ERICH2: variants seen among roughly 807,000 people sequenced by gnomAD.
The protein encoded by ERICH2 is glutamate-rich protein 2.
A neutral mutation model predicts 17.4 loss-of-function variants in ERICH2; 17 were observed. The observed-to-expected ratio is 0.98, with a 90% confidence interval of 0.67 to 1.47. The LOEUF is 1.47. Among genes scored for constraint, ERICH2 ranks in the 40% most tolerant of loss-of-function variants. The pLI is 0.00. For synonymous variants in ERICH2, 51 were observed against 61.1 expected (o/e 0.83, Z 0.77); for missense variants, 186 against 183.2 (o/e 1.01, Z -0.09).
At chr2:170,794,841 T>C (rs1199342352) in intron 3 of ERICH2, among the ~76,000 whole-genome samples, 1 of 152,246 alleles carries the variant, frequency 6.6e-6, no homozygotes, top group Non-Finnish European at 1.5e-5. Context: ...TTCTAGATCA[T>C]TGGCTCATTT....
upstream of ERICH2, among the ~76,000 whole-genome samples, chr2:170,781,400 C>T (rs2105685371): frequency 6.6e-6 from 1 of 152,090 alleles, no homozygotes; most frequent in East Asian, 1.9e-4. Context: ...CTTTGGAAGG[C>T]CGAGGTGGGT....
chr2:170,775,016 C>T, the ERICH2 span, among the ~76,000 whole-genome samples: 2 of 152,102 alleles, frequency 1.3e-5, no homozygotes, highest in African/African-American at 4.8e-5. Flanking sequence ...GGGATCTGTC[C>T]ATCCTACGTT....
chr2:170,792,568 G>A (rs1448185490), intron 2 of ERICH2, among the ~76,000 whole-genome samples: 2 of 152,130 alleles, frequency 1.3e-5, no homozygotes, highest in African/African-American at 2.4e-5. Context: ...AGTGATTAAT[G>A]TCTTCACTAT....
upstream of ERICH2, chr2:170,783,751 C>T: frequency 6.5e-7 from 1 of 1,535,804 alleles, no homozygotes; most frequent in Non-Finnish European, 8.8e-7. Context: ...TCCCTAATTC[C>T]TCATTATGAC....
At chr2:170,787,896 T>C (rs6721280) in intron 2 of ERICH2, among the ~76,000 whole-genome samples, 5 of 152,104 alleles carry the variant, frequency 3.3e-5, no homozygotes, top group African/African-American at 1.2e-4. Flanking sequence ...GTTGTCCAGT[T>C]TCTGAAAACT....
At chr2:170,787,502 G>A (rs181004069) in intron 2 of ERICH2, among the ~76,000 whole-genome samples, 1 of 152,230 alleles carries the variant, frequency 6.6e-6, no homozygotes, top group African/African-American at 2.4e-5. Flanking sequence ...TGGCTGGTAA[G>A]AACATGAGCT....
At chr2:170,798,046 A>G (rs1256369795) in exon 4 of ERICH2, 2 of 1,546,630 alleles carry the variant, frequency 1.3e-6, no homozygotes, top group Admixed American at 2.0e-5. Flanking sequence ...TTCAGTCCTA[A>G]TCTATGAACC....
At chr2:170,780,258 C>T (rs1268028551), upstream of ERICH2, among the ~76,000 whole-genome samples, 1 of 152,078 alleles carries the variant, frequency 6.6e-6, no homozygotes, top group Non-Finnish European at 1.5e-5. Context: ...TAGTTAGGGG[C>T]TTTATTACCA....
At chr2:170,775,924 G>A in the ERICH2 span, among the ~76,000 whole-genome samples, 1 of 152,230 alleles carries the variant, frequency 6.6e-6, no homozygotes, top group African/African-American at 2.4e-5. Flanking sequence ...TCTTGGCCCT[G>A]AATTTTATAT....
At chr2:170,793,840 A>C (rs926334603) in intron 3 of ERICH2, among the ~76,000 whole-genome samples, 1 of 152,052 alleles carries the variant, frequency 6.6e-6, no homozygotes, top group Admixed American at 6.5e-5. Flanking sequence ...TTTTTGTTGC[A>C]GTTGTACTGT....
chr2:170,788,637 A>G (rs1701210936), intron 2 of ERICH2, among the ~76,000 whole-genome samples: 1 of 151,676 alleles, frequency 6.6e-6, no homozygotes, highest in Non-Finnish European at 1.5e-5. Context: ...ACACCCAGCT[A>G]ATTTTGTGTG....
At position 170,792,897 on chromosome 2, in the gene ERICH2, TG is replaced by T; in HGVS notation, c.253del (p.Ala85GlnfsTer7). On this transcript the variant is annotated frameshift_variant, in exon 3 of 5. Coordinates refer to ENST00000409885, the Ensembl canonical transcript of ERICH2. LOFTEE classifies it high-confidence loss of function. ...GCAGAAATGGCCCGAGAGTACCAGC[TG>T]GCAAAAAAATTATGTCAGATGAGTA... is the stretch of plus-strand genomic sequence containing the variant. The T allele has an allele frequency of 6.6e-7, 1 of 1,516,684 alleles. No homozygotes were observed. The highest frequency in any genetic ancestry group is 8.9e-7 in the Non-Finnish European group (1 of 1,126,592). The allele number at this position is 1,516,684 out of a possible 1,614,324, so 94.0% of individuals were successfully genotyped here. A position where few individuals can be genotyped will look rare whatever the true frequency, so the allele number is the denominator to read the frequency against.
the ERICH2 span, chr2:170,771,109 C>T: frequency 6.5e-6 from 1 of 154,480 alleles, no homozygotes; most frequent in East Asian, 2.0e-4. The surrounding 1 kb of genome is among the most constrained non-coding windows in gnomAD (Gnocchi z 4.8). Flanking sequence ...TCGGAGCCCC[C>T]AGCTCCGCGC....
At chr2:170,777,744 A>G in the ERICH2 span, 57 of 1,053,560 alleles carry the variant, frequency 5.4e-5, no homozygotes, top group Non-Finnish European at 6.7e-5. Flanking sequence ...TTAGAACTAG[A>G]TAATGCAGCC....
chr2:170,785,471 C>T (rs757003404), intron 2 of ERICH2, among the ~76,000 whole-genome samples: 1 of 152,034 alleles, frequency 6.6e-6, no homozygotes, highest in African/African-American at 2.4e-5. Flanking sequence ...TTTCTATACA[C>T]TGGGCACCAT....
intron 2 of ERICH2, among the ~76,000 whole-genome samples, chr2:170,790,769 A>C (rs1433972633): frequency 1.3e-5 from 2 of 150,838 alleles, no homozygotes; most frequent in Non-Finnish European, 3.0e-5. Context: ...GCACCACTGC[A>C]CTCCAGCCTG....
chr2:170,798,325 C>G (rs1422163149), intron 4 of ERICH2, among the ~76,000 whole-genome samples: 1 of 152,132 alleles, frequency 6.6e-6, no homozygotes, highest in African/African-American at 2.4e-5. Context: ...CCGAGCAGAG[C>G]AGGCTCCCTG....
the ERICH2 span, among the ~76,000 whole-genome samples, chr2:170,774,126 A>G: frequency 6.6e-6 from 1 of 152,220 alleles, no homozygotes; most frequent in Non-Finnish European, 1.5e-5. Flanking sequence ...AAACACCTTT[A>G]TCTGTGTTCT....
intron 2 of ERICH2, among the ~76,000 whole-genome samples, chr2:170,787,368 C>T (rs1263056487): frequency 6.6e-6 from 1 of 152,176 alleles, no homozygotes; most frequent in Admixed American, 6.5e-5. Flanking sequence ...CTCTTTGACC[C>T]TTGCTTTTAA....
Sources: allele counts gnomAD v4.1 joint callset (sites outside exome capture counted in the v4.1 genomes callset), GRCh38; gene constraint gnomAD v4.1.1; non-coding constraint Gnocchi (gnomAD v3.1); transcripts MANE v1.5; gene names NCBI Gene and HGNC (gene_info 2026-07-23, HGNC 2026-07-21).